Variants in STON2 observed in about 807,000 individuals in gnomAD.
STON2 encodes the protein stonin 2.
STON2 carries 29 observed loss-of-function variants against 65.7 expected under a neutral mutation model. The ratio of observed to expected loss-of-function variants is 0.44; its 90% CI spans 0.33 to 0.60. The LOEUF (loss-of-function observed/expected upper bound fraction) is 0.60, where lower values mean the gene tolerates loss of function less well. STON2 is among the 20% of genes least tolerant of loss of function. STON2 has a pLI of 0.03. For missense variants in STON2, 1,054 were observed against 1,118.1 expected, an observed-to-expected ratio of 0.94 and a Z score of 0.82; for synonymous variants, 404 against 414.2, an observed-to-expected ratio of 0.98 and a Z score of 0.30.
At chr14:81,337,716 G>A (rs1258483428) in intron 4 of STON2, among the ~76,000 whole-genome samples, 1 of 152,154 alleles carries the variant, frequency 6.6e-6, no homozygotes, top group Non-Finnish European at 1.5e-5. Flanking sequence ...AGAAAGTGGT[G>A]ACTGACATAG....
intron 2 of STON2, among the ~76,000 whole-genome samples, chr14:81,422,709 T>C (rs143824604): frequency 5.9e-5 from 9 of 152,258 alleles, no homozygotes; most frequent in Non-Finnish European, 1.2e-4. Context: ...CTTCAGTAAG[T>C]GCACGGGTTT....
At chr14:81,347,728 A>G in intron 4 of STON2, among the ~76,000 whole-genome samples, 1 of 127,792 alleles carries the variant, frequency 7.8e-6, no homozygotes, top group African/African-American at 3.0e-5. Context: ...AAAATGTGAG[A>G]CCCCCTCCCC....
chr14:81,349,720 T>C lies in STON2; in HGVS notation c.571+21268A>G, dbSNP rs758163426. Among the ~76,000 whole-genome samples, 38 of 152,270 alleles carry C rather than the reference T, an allele frequency of 2.5e-4. 1 individual carries two copies. The highest frequency in any genetic ancestry group is 3.4e-3 in the Middle Eastern group (1 of 294). Reference sequence around the variant, plus strand: ...CTACTATATGATCCAGCAATACCATTACTGGGTATTTATCCAAAGGAAAGG... The same window carrying C: ...CTACTATATGATCCAGCAATACCATCACTGGGTATTTATCCAAAGGAAAGG... On this transcript the variant is annotated intron_variant, in intron 4 of 7. Transcript: ENST00000614646.
At chr14:81,336,860 A>C (rs1897391389) in intron 4 of STON2, among the ~76,000 whole-genome samples, 2 of 152,196 alleles carry the variant, frequency 1.3e-5, no homozygotes, top group South Asian at 4.1e-4. Flanking sequence ...CTGGGCAGAG[A>C]GGCTTTAACC....
intron 2 of STON2, chr14:81,427,008 TAATTA>T: frequency 6.6e-6 from 1 of 152,256 alleles, no homozygotes; most frequent in Non-Finnish European, 1.5e-5. Flanking sequence ...ACTGTTCATT[TAATTA>T]AATTATCATA....
chr14:81,371,676 T>TCAAAAA lies in STON2; in HGVS notation c.374-492_374-491insTTTTTG, dbSNP rs58782661. Among the ~76,000 whole-genome samples the TCAAAAA allele has an allele frequency of 3.5e-4, 34 of 97,678 alleles. 1 individual carries two copies. Among genetic ancestry groups the TCAAAAA allele is most frequent in the South Asian group, 1.2e-3 (3 of 2,524 alleles). 64.1% of individuals were successfully genotyped at this position (97,678 alleles called of 152,430 possible). A position where few individuals can be genotyped will look rare whatever the true frequency, so the allele number is the denominator to read the frequency against. ...ACAACAGAATGAATGAGACTGAGTC[T>TCAAAAA]AAAAAAAAAAAAAAAGAAAAGAAAA... On this transcript the variant is annotated intron_variant, in intron 3 of 7. Coordinates refer to ENST00000614646, the MANE Select transcript of STON2 (RefSeq NM_001394390.1).
At chr14:81,411,210 G>A (rs191227880) in intron 2 of STON2, among the ~76,000 whole-genome samples, 18 of 152,240 alleles carry the variant, frequency 1.2e-4, no homozygotes, top group South Asian at 8.3e-4. Flanking sequence ...ATCATTACAC[G>A]CCAGTGATTC....
rs746546287 is a variant in STON2 at position 81,278,067 on chromosome 14, T to G, written c.1415A>C (p.His472Pro). ...DPVAWIELDA[H>P]PPGSARSQPR... ...CTGGGACCGTGCTGATCCAGGCGGG[T>G]GAGCATCTAGTTCAATCCAGGCTAC... The change falls in exon 6 of 8, where the codon CAC becomes CCC. Residue 472 changes from histidine to proline, a missense_variant. By Grantham distance (77) the His-to-Pro change is moderately conservative. Transcript: ENST00000614646. The G allele has an allele frequency of 6.2e-7, 1 of 1,613,948 alleles. No individual in the cohort carries two copies. Among genetic ancestry groups the G allele is most frequent in the African/African-American group, 1.3e-5 (1 of 74,892 alleles).
At chr14:81,432,799 C>T (rs1169605543) in intron 1 of STON2, among the ~76,000 whole-genome samples, 1 of 152,262 alleles carries the variant, frequency 6.6e-6, no homozygotes, top group South Asian at 2.1e-4. Context: ...CTTACAGAGC[C>T]TACTGCTCAT....
chr14:81,266,183 GAT>G lies in STON2; in HGVS notation c.*2229_*2230del. On this transcript the variant is annotated 3_prime_UTR_variant, in exon 8 of 8. Coordinates refer to ENST00000614646, the MANE Select transcript of STON2 (RefSeq NM_001394390.1). ...GACATATAGACCAAATCCAATGTAAGATTCCCTTTCACAGCACGTGGGATAGG... is the reference window on the plus strand; with the variant it reads ...GACATATAGACCAAATCCAATGTAAGTCCCTTTCACAGCACGTGGGATAGG... The G allele has an allele frequency of 1.2e-6, 1 of 824,212 alleles. No homozygotes were observed. Among genetic ancestry groups the G allele is most frequent in the Non-Finnish European group, 1.5e-6 (1 of 683,008 alleles). 51.1% of individuals were successfully genotyped at this position (824,212 alleles called of 1,614,324 possible).
chr14:81,381,609 C>G (rs753277261), intron 3 of STON2, among the ~76,000 whole-genome samples: 10 of 152,152 alleles, frequency 6.6e-5, no homozygotes, highest in Non-Finnish European at 1.2e-4. Context: ...TATTAAGATC[C>G]TGTTACCCTT....
At chr14:81,328,001 T>C (rs1566910641) in intron 4 of STON2, among the ~76,000 whole-genome samples, 1 of 152,186 alleles carries the variant, frequency 6.6e-6, no homozygotes, top group Admixed American at 6.5e-5. Context: ...ATCTATAACA[T>C]GGAGATAATA....
rs529358186 is a variant in STON2, at chr14:81,320,897, C to T, written c.742+3120G>A. 2.6e-5 allele frequency among the ~76,000 whole-genome samples: 4 copies of T among 152,290 alleles called. No individual in the cohort carries two copies. The East Asian group carries it at 5.8e-4, about 22-fold the overall frequency. On this transcript the variant is annotated intron_variant, in intron 5 of 7. Transcript: ENST00000614646. ...AGAAACATTACAGGAAAAGATAACA[C>T]ACAAGACCAGCAAATAACCCCAAGG...
intron 5 of STON2, among the ~76,000 whole-genome samples, chr14:81,310,626 G>A (rs1810828121): frequency 6.6e-6 from 1 of 152,082 alleles, no homozygotes; most frequent in African/African-American, 2.4e-5. Flanking sequence ...TATATTCCAG[G>A]CCCTAAAATC....
chr14:81,297,742 T>C (rs1895815343), intron 5 of STON2, among the ~76,000 whole-genome samples: 1 of 152,160 alleles, frequency 6.6e-6, no homozygotes, highest in Admixed American at 6.5e-5. Context: ...TAGAAAGTAA[T>C]AAAAATAACT....
intron 5 of STON2, among the ~76,000 whole-genome samples, chr14:81,318,782 C>T (rs73337729): frequency 0.035 from 5,369 of 152,180 alleles, 305 homozygotes; most frequent in African/African-American, 0.12. Context: ...ACCTGGGAGA[C>T]GGAACCTGTG....
At chr14:81,419,477 T>C (rs1458964344) in intron 2 of STON2, among the ~76,000 whole-genome samples, 6 of 152,232 alleles carry the variant, frequency 3.9e-5, no homozygotes, top group Non-Finnish European at 7.3e-5. Flanking sequence ...GAACAGATGG[T>C]CAGCCTCCAT....
chr14:81,270,987 T>G, intron 6 of STON2, 115 bp from the exon 7 acceptor site: 1 of 1,388,542 alleles, frequency 7.2e-7, no homozygotes, highest in East Asian at 2.5e-5. Context: ...CCGGCAGCCT[T>G]TCAGAGGGTC....
chr14:81,281,010 CA>C lies in STON2; in HGVS notation c.743-2272del, dbSNP rs796161809. On this transcript the variant is annotated intron_variant, in intron 5 of 7. Coordinates refer to ENST00000614646, the MANE Select transcript of STON2 (RefSeq NM_001394390.1). ...TGAGCGATAGAGCGAAACTCCGTCTCAAAAAAAAAAAAAAAAGAAAAGAAAA... is the reference window on the plus strand; with the variant it reads ...TGAGCGATAGAGCGAAACTCCGTCTCAAAAAAAAAAAAAAAGAAAAGAAAA... Among the ~76,000 whole-genome samples the C allele has an allele frequency of 3.2e-3, 202 of 63,076 alleles. No individual in the cohort carries two copies. The East Asian group carries it at 0.04, about 13-fold the overall frequency. 41.4% of individuals were successfully genotyped at this position (63,076 alleles called of 152,430 possible). A position where few individuals can be genotyped will look rare whatever the true frequency, so the allele number is the denominator to read the frequency against.
Sources: allele counts gnomAD v4.1 joint callset (sites outside exome capture counted in the v4.1 genomes callset), GRCh38; gene constraint gnomAD v4.1.1; transcripts MANE v1.5; gene names NCBI Gene and HGNC (gene_info 2026-07-23, HGNC 2026-07-21).